The following FTCD variants were observed in gnomAD, a reference collection of about 807,000 sequenced individuals.
FTCD encodes formimidoyltransferase cyclodeaminase, also known as formimidoyltransferase-cyclodeaminase.
In FTCD, 76 loss-of-function variants were observed where a neutral mutation model predicts 62.9. That is an observed-to-expected ratio of 1.21 (90% CI 1.00 to 1.46). The LOEUF (loss-of-function observed/expected upper bound fraction) is 1.46. FTCD is among the 40% of genes most tolerant of loss of function. The pLI is 0.00. For missense variants in FTCD, 845 were observed against 751.3 expected, an observed-to-expected ratio of 1.12 and a Z score of -1.46; for synonymous variants, 397 against 336.9, an observed-to-expected ratio of 1.18 and a Z score of -1.95.
intron 3 of FTCD, chr21:46,152,363 A>G: frequency 4.3e-6 from 1 of 231,962 alleles, no homozygotes; most frequent in South Asian, 9.9e-5. Context: ...CACCAGTGTG[A>G]CTGTGACGTG....
intron 7 of FTCD, 39 bp downstream of exon 7, chr21:46,150,080 C>A: frequency 1.3e-6 from 2 of 1,581,096 alleles, no homozygotes; most frequent in Non-Finnish European, 1.7e-6. Flanking sequence ...ACCCTCCCTG[C>A]ACGCCCCTGT....
chr21:46,146,302 G>A lies in FTCD; in HGVS notation c.932C>T (p.Ser311Phe), dbSNP rs562640107. 6.2e-6 allele frequency: 10 copies of A among 1,605,410 alleles called. No individual in the cohort carries two copies. The South Asian group carries it at 7.8e-5, about 13-fold the overall frequency. Residue 311 changes from serine (S) to phenylalanine (F), a missense_variant, in exon 8 of 14, where the codon TCC becomes TTC. By Grantham distance (155) the Ser-to-Phe change is radical. Transcript: ENST00000397746. ...RLVVSRLGLDSLCPFSPKERI... is the reference protein window; with the variant it reads ...RLVVSRLGLDFLCPFSPKERI... ...CTCCTTAGGGCTGAAGGGGCACAGG[G>A]AGTCCAGGCCCAGCCGGCTCACCAC...
chr21:46,144,007 G>A (rs1568969385), intron 10 of FTCD, among the ~76,000 whole-genome samples: 2 of 152,092 alleles, frequency 1.3e-5, no homozygotes, highest in African/African-American at 2.4e-5. Context: ...AAAAGTATTA[G>A]TCTTTAATCT....
rs2078878600 is a variant in FTCD at position 46,136,901 on chromosome 21, A to G, written c.*86T>C. On this transcript the variant is annotated 3_prime_UTR_variant, in exon 14 of 14. Coordinates refer to ENST00000397746, the MANE Select transcript of FTCD (RefSeq NM_206965.2). ...CTACCCTCCGGGCCCCACACGAACA[A>G]GCTGTGTCCCCACCGAGGTCACAGC... 6 of 1,598,408 alleles carry G rather than the reference A, an allele frequency of 3.8e-6. No homozygotes were observed. Among genetic ancestry groups the G allele is most frequent in the Non-Finnish European group, 5.1e-6 (6 of 1,173,482 alleles).
At chr21:46,153,066 G>A (rs540628549) in intron 2 of FTCD, 31 bp from the exon 3 acceptor site, 30 of 1,539,152 alleles carry the variant, frequency 1.9e-5, no homozygotes, top group Admixed American at 3.9e-5. Flanking sequence ...CGGGCAGGAG[G>A]CCAGGTGTGG....
rs548071073 is a variant in FTCD at position 46,137,097 on chromosome 21, G to A, written c.1540-24C>T. On this transcript the variant is annotated intron_variant, in intron 13 of 13. Transcript: ENST00000397746. ...ATCTGATGGACACAGGGAAAGAGGG[G>A]TCTGGTAGTTCCAGTCTTCAGCCCA... 51 of 1,613,554 alleles carry A rather than the reference G, an allele frequency of 3.2e-5. 1 individual carries two copies. In the South Asian group the frequency reaches 3.2e-4, roughly 10 times the overall value.
rs889295629 is a variant in FTCD at position 46,137,407 on chromosome 21, C to T, written c.1444-73G>A. 95 of 1,175,952 alleles carry T rather than the reference C, an allele frequency of 8.1e-5. 1 individual carries two copies. Among genetic ancestry groups the T allele is most frequent in the South Asian group, 6.1e-4 (50 of 82,258 alleles). 72.8% of individuals were successfully genotyped at this position (1,175,952 alleles called of 1,614,324 possible). ...TGCCGGAAGGAGGGTCTCTGCCTGA[C>T]GGGCTCTGGGACAGGCCGGACTTCG... On this transcript the variant is annotated intron_variant, in intron 12 of 13. Transcript: ENST00000397746.
At chr21:46,152,768 G>T in intron 3 of FTCD, 139 bp downstream of exon 3, 1 of 702,922 alleles carries the variant, frequency 1.4e-6, no homozygotes, top group Non-Finnish European at 2.3e-6. Flanking sequence ...AGGGAGCTGC[G>T]CTTCTGCATG....
intron 10 of FTCD, chr21:46,142,887 G>A (rs2079053248): frequency 6.6e-6 from 1 of 152,256 alleles, no homozygotes; most frequent in African/African-American, 2.4e-5. Context: ...GCACTGACTG[G>A]TGCGTTTTTA....
intron 9 of FTCD, 60 bp downstream of exon 9, chr21:46,145,758 T>A: frequency 4.4e-6 from 1 of 227,156 alleles, no homozygotes; most frequent in East Asian, 1.1e-4. Flanking sequence ...ACAGCGCCCT[T>A]CCCCCTCCCC....
chr21:46,152,651 G>A (rs993734462), intron 3 of FTCD: 9 of 424,948 alleles, frequency 2.1e-5, no homozygotes, highest in South Asian at 6.4e-5. Context: ...TCTAGAAGGC[G>A]TGGACTTTAA....
chr21:46,138,198 G>A (rs1174136447), intron 12 of FTCD, among the ~76,000 whole-genome samples: 1 of 152,150 alleles, frequency 6.6e-6, no homozygotes, highest in Non-Finnish European at 1.5e-5. Context: ...GGCTGACATA[G>A]GTGTTTTCTA....
In FTCD at chr21:46,151,890, A is replaced by G. The variant is rs1440410284; in HGVS notation, c.456+2T>C. 7.1e-6 allele frequency: 11 copies of G among 1,559,350 alleles called. No individual in the cohort carries two copies. Among genetic ancestry groups the G allele is most frequent in the Non-Finnish European group, 9.5e-6 (11 of 1,152,140 alleles). On this transcript the variant is annotated splice_donor_variant, in intron 4 of 13. Coordinates refer to ENST00000397746, the MANE Select transcript of FTCD (RefSeq NM_206965.2). LOFTEE classifies it high-confidence loss of function. ...AGGCCCGACCGCCCGGGGTGGGGGC[A>G]CCTTCTTAGGGAGGGCCTCGTACTC...
At chr21:46,139,124 C>T in intron 10 of FTCD, 1 of 619,710 alleles carries the variant, frequency 1.6e-6, no homozygotes. Context: ...GGTCGGGGCA[C>T]ACAGCAGATG....
chr21:46,137,716 G>A (rs1260383553), intron 12 of FTCD, among the ~76,000 whole-genome samples: 1 of 152,086 alleles, frequency 6.6e-6, no homozygotes, highest in African/African-American at 2.4e-5. Flanking sequence ...ACACTTCTCT[G>A]GGACCAGATG....
chr21:46,153,010 T>C lies in FTCD; in HGVS notation c.264A>G (p.Leu88=). The change falls in exon 3 of 14, where the codon CTA becomes CTG. Residue 88 remains leucine (L), a synonymous_variant. Coordinates refer to ENST00000397746, the MANE Select transcript of FTCD (RefSeq NM_206965.2). ...HQGEHPRMGA[L]DVCPFIPVRG... ...TCACGGGGATGAAGGGGCAGACGTC[T>C]AGGGCCCCCATGCGGGGGTGCTCTC... 2 of 1,550,008 alleles carry C rather than the reference T, an allele frequency of 1.3e-6. No individual in the cohort carries two copies. Among genetic ancestry groups the C allele is most frequent in the Non-Finnish European group, 1.7e-6 (2 of 1,146,998 alleles).
chr21:46,142,301 A>G (rs2079029231), intron 10 of FTCD: 1 of 148,390 alleles, frequency 6.7e-6, no homozygotes. Context: ...GCGCGTCGGG[A>G]GCTGTTTCTT....
At chr21:46,137,097 G>C in intron 13 of FTCD, 24 bp from the exon 14 acceptor site, 6 of 1,613,554 alleles carry the variant, frequency 3.7e-6, no homozygotes, top group Non-Finnish European at 3.4e-6. Context: ...GGAAAGAGGG[G>C]TCTGGTAGTT....
intron 7 of FTCD, 96 bp from the exon 8 acceptor site, chr21:46,146,423 C>T (rs898618865): frequency 4.7e-6 from 4 of 844,534 alleles, no homozygotes; most frequent in Middle Eastern, 2.5e-4. Flanking sequence ...GCAGCCGCCC[C>T]CTGCCCCGAG....
Sources: allele counts gnomAD v4.1 joint callset (sites outside exome capture counted in the v4.1 genomes callset), GRCh38; gene constraint gnomAD v4.1.1; transcripts MANE v1.5; gene names NCBI Gene and HGNC (gene_info 2026-07-23, HGNC 2026-07-21).